Variants in MSH3 observed in about 807,000 individuals in gnomAD.
MSH3 encodes DNA mismatch repair protein Msh3.
In MSH3, 106 loss-of-function variants were observed where a neutral mutation model predicts 123.3. The ratio of observed to expected loss-of-function variants is 0.86; its 90% confidence interval spans 0.73 to 1.01. The LOEUF is 1.01. Ranked by LOEUF, MSH3 falls within the 50% of genes least tolerant of loss-of-function variation. MSH3 has a pLI of 0.00. For synonymous variants in MSH3, 515 were observed against 481.4 expected (o/e 1.07, Z -0.91); for missense variants, 1,459 against 1,347.6 (o/e 1.08, Z -1.29).
At chr5:80,843,044 C>T (rs1745654752) in intron 20 of MSH3, among the ~76,000 whole-genome samples, 1 of 152,036 alleles carries the variant, frequency 6.6e-6, no homozygotes, top group African/African-American at 2.4e-5. Context: ...GTGGGTTTGT[C>T]ATAAATAGCT....
At position 80,690,864 on chromosome 5, in the gene MSH3, G is replaced by A. The variant is rs191515857; in HGVS notation, c.1340+11771G>A. On this transcript the variant is annotated intron_variant, in intron 8 of 23. Transcript: ENST00000265081. ...TAGAAGTTACCAGAGTATATCACGT[G>A]TAGTAAGGGTAAGTATTTCATGAAA... Among the ~76,000 whole-genome samples the A allele has an allele frequency of 7.5e-4, 114 of 152,240 alleles. 1 individual carries two copies. Among genetic ancestry groups the A allele is most frequent in the African/African-American group, 2.6e-3 (108 of 41,536 alleles).
rs116249197 is a variant in MSH3, at chr5:80,668,127, G to A, written c.580-1970G>A. 8.2e-3 allele frequency among the ~76,000 whole-genome samples: 1,245 copies of A among 152,240 alleles called. 18 individuals are homozygous for A. Among genetic ancestry groups the A allele is most frequent in the African/African-American group, 0.029 (1,203 of 41,544 alleles). On this transcript the variant is annotated intron_variant, in intron 3 of 23. Coordinates refer to ENST00000265081, the MANE Select transcript of MSH3 (RefSeq NM_002439.5). ...GAAGTGATGAGCCTTCAGCCGAGAG[G>A]GGACCCTGGAGTGGGTAGCTCCTCT...
At chr5:80,777,238 C>G (rs1037331384) in intron 16 of MSH3, among the ~76,000 whole-genome samples, 11 of 152,068 alleles carry the variant, frequency 7.2e-5, no homozygotes, top group Non-Finnish European at 1.2e-4. Flanking sequence ...GCCACATCAT[C>G]AGATGTTGAA....
rs529906472 is a variant in MSH3, at chr5:80,786,144, ATAAT to A, written c.2436-1405_2436-1402del. On this transcript the variant is annotated intron_variant, in intron 17 of 23. Transcript: ENST00000265081. ...GTACCCTAAAACTTAAAGTATAATA[ATAAT>A]TAATTAATTAATTAAAAAATAAATT... 8.4e-3 allele frequency among the ~76,000 whole-genome samples: 1,277 copies of A among 152,094 alleles called. 12 individuals carry two copies. Among genetic ancestry groups the A allele is most frequent in the Non-Finnish European group, 0.014 (941 of 67,974 alleles).
chr5:80,720,447 T>C (rs1307552052), intron 8 of MSH3, among the ~76,000 whole-genome samples: 1 of 152,136 alleles, frequency 6.6e-6, no homozygotes, highest in Non-Finnish European at 1.5e-5. Flanking sequence ...TCATTTCTTT[T>C]TGACTTTGAA....
At chr5:80,740,800 C>T (rs570864343) in intron 10 of MSH3, among the ~76,000 whole-genome samples, 3 of 151,766 alleles carry the variant, frequency 2.0e-5, no homozygotes, top group Non-Finnish European at 4.4e-5. Context: ...CTGCAATCTC[C>T]GCCTCCCTGG....
intron 18 of MSH3, among the ~76,000 whole-genome samples, chr5:80,789,847 G>A (rs980783447): frequency 6.6e-6 from 1 of 152,112 alleles, no homozygotes; most frequent in Non-Finnish European, 1.5e-5. Context: ...AGGATATTAT[G>A]CTTTTGAAAA....
At chr5:80,714,660 A>G (rs1750922257) in intron 8 of MSH3, among the ~76,000 whole-genome samples, 1 of 152,178 alleles carries the variant, frequency 6.6e-6, no homozygotes, top group African/African-American at 2.4e-5. Flanking sequence ...ATTTTTATCA[A>G]ACTTAATGGG....
At chr5:80,655,888 A>T (rs1749272008) in intron 1 of MSH3, among the ~76,000 whole-genome samples, 2 of 152,290 alleles carry the variant, frequency 1.3e-5, no homozygotes, top group South Asian at 4.1e-4. Flanking sequence ...TGAAGGACTT[A>T]TGTATGCTTT....
intron 10 of MSH3, among the ~76,000 whole-genome samples, chr5:80,730,894 A>ATAT (rs1554070428): frequency 0.026 from 3,318 of 127,702 alleles, 61 homozygotes; most frequent in Middle Eastern, 0.057. Flanking sequence ...ATATATATAT[A>ATAT]TTTTTTTTTT....
At chr5:80,726,697 G>A (rs1561457113) in intron 9 of MSH3, among the ~76,000 whole-genome samples, 1 of 151,966 alleles carries the variant, frequency 6.6e-6, no homozygotes, top group Non-Finnish European at 1.5e-5. Flanking sequence ...TTGAACTCCT[G>A]GGCTCAAACG....
chr5:80,825,248 G>C (rs931764677), intron 20 of MSH3, among the ~76,000 whole-genome samples: 1 of 151,990 alleles, frequency 6.6e-6, no homozygotes, highest in Non-Finnish European at 1.5e-5. Context: ...GGTTGTCCTT[G>C]ACTTTGGTAT....
chr5:80,790,809 T>C (rs1212782478), intron 18 of MSH3, among the ~76,000 whole-genome samples: 1 of 152,186 alleles, frequency 6.6e-6, no homozygotes, highest in African/African-American at 2.4e-5. Flanking sequence ...AGAAGGCCTT[T>C]CATAATTATT....
intron 2 of MSH3, among the ~76,000 whole-genome samples, chr5:80,664,425 T>C (rs140064229): frequency 6.2e-4 from 94 of 152,280 alleles, no homozygotes; most frequent in South Asian, 2.7e-3. Flanking sequence ...AGGAGTGCTC[T>C]GGCTTCCTGG....
chr5:80,695,500 A>G (rs1388574232), intron 8 of MSH3, among the ~76,000 whole-genome samples: 1 of 151,892 alleles, frequency 6.6e-6, no homozygotes, highest in Non-Finnish European at 1.5e-5. Flanking sequence ...ACGCCCAGCT[A>G]ATTTTTGTAT....
At chr5:80,827,335 A>G (rs1745337609) in intron 20 of MSH3, among the ~76,000 whole-genome samples, 1 of 152,234 alleles carries the variant, frequency 6.6e-6, no homozygotes. Flanking sequence ...ACCCAGCTTC[A>G]GGGAATTCTG....
intron 20 of MSH3, among the ~76,000 whole-genome samples, chr5:80,851,596 T>C (rs1013986965): frequency 3.8e-4 from 58 of 152,314 alleles, no homozygotes; most frequent in African/African-American, 1.3e-3. Flanking sequence ...GGTTTGCCTT[T>C]AACTTTTTTA....
chr5:80,872,307 C>CA (rs1294930223), intron 22 of MSH3, among the ~76,000 whole-genome samples: 20 of 147,754 alleles, frequency 1.4e-4, no homozygotes, highest in South Asian at 2.1e-4. Flanking sequence ...CCCATCTCTA[C>CA]AAAAAAAAAA....
chr5:80,796,112 C>T (rs1271220137), intron 19 of MSH3, among the ~76,000 whole-genome samples: 2 of 151,710 alleles, frequency 1.3e-5, no homozygotes, highest in African/African-American at 4.8e-5. Flanking sequence ...AATATTAGAA[C>T]TATAAGTTTC....
Sources: allele counts gnomAD v4.1 joint callset (sites outside exome capture counted in the v4.1 genomes callset), GRCh38; gene constraint gnomAD v4.1.1; transcripts MANE v1.5; gene names NCBI Gene and HGNC (gene_info 2026-07-23, HGNC 2026-07-21).